Variants in KLHL21 observed in about 807,000 individuals in gnomAD.
KLHL21 encodes the protein kelch-like protein 21.
KLHL21 carries 42 observed loss-of-function variants against 44.1 expected under a neutral mutation model. That is an observed-to-expected ratio of 0.95 (90% CI 0.74 to 1.23). KLHL21 has a LOEUF of 1.23. KLHL21 is among the 50% of genes most tolerant of loss of function. The probability of loss-of-function intolerance (pLI) is 0.00; values close to 1 mark genes in which losing one functional copy is unlikely to be tolerated. For synonymous variants in KLHL21, 524 were observed against 411.6 expected (o/e 1.27, Z -3.31); for missense variants, 918 against 889.1 (o/e 1.03, Z -0.41).
At position 6,601,885 on chromosome 1, in the gene KLHL21, C is replaced by G. The variant is rs1364041243; in HGVS notation, c.933G>C (p.Thr311=). 1.3e-6 allele frequency: 2 copies of G among 1,570,660 alleles called. No individual in the cohort carries two copies. The highest frequency in any genetic ancestry group is 2.3e-5 in the South Asian group (2 of 85,624). Residue 311 remains threonine (T), a synonymous_variant, in exon 1 of 4, where the codon ACG becomes ACC. Coordinates refer to ENST00000377658, the MANE Select transcript of KLHL21 (RefSeq NM_014851.4). The stretch of plus-strand genomic sequence containing the variant: ...ACTCGGCCAGGTAGCGCCACTGACC[C>G]GTCTGCGGGTTGTAGCAGTCGACAG... ...LVTVDCYNPQ[T]GQWRYLAEFP...
intron 3 of KLHL21, chr1:6,594,280 C>T (rs1168383223): frequency 6.2e-6 from 1 of 162,338 alleles, no homozygotes; most frequent in East Asian, 1.9e-4. Flanking sequence ...GCTCACATGG[C>T]CAAATGGCAC....
chr1:6,593,562 A>G lies in KLHL21; in HGVS notation c.1597T>C (p.Tyr533His). The stretch of plus-strand genomic sequence containing the variant: ...CTCCACGCGCGAGTCTCTGGGTCAT[A>G]GGCCTCTACCACGTCCGAGAGTTCA... Reference protein sequence around the residue: ...TFELSDVVEAYDPETRAWSVV... With the variant: ...TFELSDVVEAHDPETRAWSVV... The change falls in exon 4 of 4, where the codon TAT (tyrosine) becomes CAT (histidine). Residue 533 changes from tyrosine (Y) to histidine (H), a missense_variant. Physicochemically the swap from Tyr to His is moderately conservative, Grantham distance 83 (BLOSUM62 2). Transcript: ENST00000377658. The G allele has an allele frequency of 1.2e-6, 2 of 1,613,988 alleles. No homozygotes were observed. The highest frequency in any genetic ancestry group is 1.7e-6 in the Non-Finnish European group (2 of 1,179,980).
chr1:6,599,882 G>C (rs1640990289), intron 1 of KLHL21: 1 of 174,702 alleles, frequency 5.7e-6, no homozygotes, highest in Non-Finnish European at 1.2e-5. Context: ...GGTTCTGCCA[G>C]GACAAGATGA....
intron 2 of KLHL21, among the ~76,000 whole-genome samples, chr1:6,598,742 G>A (rs1481563638): frequency 6.6e-6 from 1 of 152,108 alleles, no homozygotes; most frequent in African/African-American, 2.4e-5. Flanking sequence ...AATTAGCCAG[G>A]CATGGTGGTG....
chr1:6,602,836 T>A lies in KLHL21; in HGVS notation c.-19A>T, dbSNP rs1400022941. Reference sequence around the variant, plus strand: ...GCTCCATGGCGCCTTCGATAGGTTGTCGAGGACGCCGCGGCCGGGGCCTGC... The same window carrying A: ...GCTCCATGGCGCCTTCGATAGGTTGACGAGGACGCCGCGGCCGGGGCCTGC... On this transcript the variant is annotated 5_prime_UTR_variant, in exon 1 of 4. Transcript: ENST00000377658. 7.1e-7 allele frequency: 1 copy of A among 1,404,572 alleles called. No homozygotes were observed. Among genetic ancestry groups the A allele is most frequent in the East Asian group, 3.0e-5 (1 of 33,174 alleles). The allele number at this position is 1,404,572 out of a possible 1,614,324, so 87.0% of individuals were successfully genotyped here. A position where few individuals can be genotyped will look rare whatever the true frequency, so the allele number is the denominator to read the frequency against.
rs1052509083 is a variant in KLHL21 at position 6,599,229 on chromosome 1, G to A, written c.1245C>T (p.Cys415=). The A allele has an allele frequency of 1.2e-6, 2 of 1,614,142 alleles. No homozygotes were observed. The highest frequency in any genetic ancestry group is 8.5e-7 in the Non-Finnish European group (1 of 1,180,042). Residue 415 remains cysteine (C), a synonymous_variant, in exon 2 of 4, where the codon TGC becomes TGT. Transcript: ENST00000377658. ...LQPMTYPMDN[C]STTACRGRLY... ...GCCGGCCACGGCACGCAGTGGTGGA[G>A]CAGTTGTCCATGGGGTAGGTCATGG...
rs1345939827 is a variant in KLHL21 at position 6,602,176 on chromosome 1, G to A, written c.642C>T (p.Ala214=). 1.4e-6 allele frequency: 2 copies of A among 1,429,922 alleles called. No individual in the cohort carries two copies. Among genetic ancestry groups the A allele is most frequent in the South Asian group, 2.9e-5 (2 of 68,904 alleles). 88.6% of individuals were successfully genotyped at this position (1,429,922 alleles called of 1,614,324 possible). Residue 214 remains alanine (A), a synonymous_variant, in exon 1 of 4, where the codon GCC becomes GCT. Transcript: ENST00000377658. ...RWVRADPPRR[A]AHWPQLLEAV... ...CCTCCAGCAGCTGCGGCCAGTGCGC[G>A]GCGCGGCGCGGCGGGTCAGCGCGGA...
chr1:6,597,389 G>A (rs912264315), intron 2 of KLHL21, among the ~76,000 whole-genome samples: 1 of 152,178 alleles, frequency 6.6e-6, no homozygotes, highest in Admixed American at 6.5e-5. Context: ...CGAAAGGAAG[G>A]TTCTGGCCCT....
intron 3 of KLHL21, chr1:6,594,963 G>A (rs1484654403): frequency 5.5e-6 from 1 of 180,512 alleles, no homozygotes; most frequent in South Asian, 1.5e-4. Flanking sequence ...AGGAAGGTGC[G>A]GTGGGAGGAC....
chr1:6,600,486 C>T (rs769262755), intron 1 of KLHL21, among the ~76,000 whole-genome samples: 4 of 152,246 alleles, frequency 2.6e-5, no homozygotes, highest in Non-Finnish European at 5.9e-5. Flanking sequence ...CCCAGGCTGG[C>T]GCCACAGGAC....
rs1318992343 is a variant in KLHL21, at chr1:6,592,047, C to T, written c.*1318G>A. 5.9e-5 allele frequency: 9 copies of T among 152,316 alleles called. No individual in the cohort carries two copies. The highest frequency in any genetic ancestry group is 5.9e-4 in the Admixed American group (9 of 15,280). The allele number at this position is 152,316 out of a possible 1,614,324, so 9.4% of individuals were successfully genotyped here. On this transcript the variant is annotated 3_prime_UTR_variant, in exon 4 of 4. Coordinates refer to ENST00000377658, the MANE Select transcript of KLHL21 (RefSeq NM_014851.4). ...TGACATCCACAGTGTATGGACTGGG[C>T]TCTTGAGGAGCACGAGGGAGAGGCC...
chr1:6,599,527 C>G, intron 1 of KLHL21, 75 bp from the exon 2 acceptor site: 4 of 1,445,588 alleles, frequency 2.8e-6, no homozygotes, highest in Non-Finnish European at 2.8e-6. Flanking sequence ...CGAACTTCCG[C>G]AAGGGCCTCT....
Position 6,593,932 on chromosome 1 carries a change from T to C in KLHL21, c.1501-274A>G, listed in dbSNP as rs151037582. 59 of 1,240,810 alleles carry C rather than the reference T, an allele frequency of 4.8e-5. No homozygotes were observed. The African/African-American group carries it at 8.3e-4, about 17-fold the overall frequency. 76.9% of individuals were successfully genotyped at this position (1,240,810 alleles called of 1,614,324 possible). ...GCAGGTCGTGCCGAGCAGCGCTTCC[T>C]ACGTTCTCTCTCAGAATCTCTGCAG... is the stretch of plus-strand genomic sequence containing the variant. On this transcript the variant is annotated intron_variant, in intron 3 of 3. Transcript: ENST00000377658.
chr1:6,602,716 G>C lies in KLHL21; in HGVS notation c.102C>G (p.Phe34Leu). ...GLSQLRAERKFLDVTLEAAGG... is the reference protein window; with the variant it reads ...GLSQLRAERKLLDVTLEAAGG... ...CCGCCGCCTCCAGGGTCACGTCCAGGAACTTGCGCTCGGCGCGCAGCTGGC... is the reference window on the plus strand; with the variant it reads ...CCGCCGCCTCCAGGGTCACGTCCAGCAACTTGCGCTCGGCGCGCAGCTGGC... The change falls in exon 1 of 4, where the codon TTC (phenylalanine) becomes TTG (leucine). Residue 34 changes from phenylalanine (F) to leucine (L), a missense_variant. By Grantham distance (22) the Phe-to-Leu change is conservative. Coordinates refer to ENST00000377658, the MANE Select transcript of KLHL21 (RefSeq NM_014851.4). The C allele has an allele frequency of 6.6e-7, 1 of 1,513,332 alleles. No individual in the cohort carries two copies. The highest frequency in any genetic ancestry group is 2.6e-5 in the East Asian group (1 of 37,848). 93.7% of individuals were successfully genotyped at this position (1,513,332 alleles called of 1,614,324 possible). A position where few individuals can be genotyped will look rare whatever the true frequency, so the allele number is the denominator to read the frequency against.
chr1:6,600,573 G>A (rs1641002129), intron 1 of KLHL21, among the ~76,000 whole-genome samples: 1 of 152,220 alleles, frequency 6.6e-6, no homozygotes, highest in African/African-American at 2.4e-5. Flanking sequence ...TAGGAAGTGA[G>A]CTCTGCCGGC....
intron 1 of KLHL21, among the ~76,000 whole-genome samples, chr1:6,601,548 G>T (rs1641017924): frequency 6.6e-6 from 1 of 152,236 alleles, no homozygotes; most frequent in South Asian, 2.1e-4. Flanking sequence ...CACGGAGTTG[G>T]CTCAGCCTGG....
chr1:6,601,260 C>T (rs893980553), intron 1 of KLHL21, among the ~76,000 whole-genome samples: 1 of 152,206 alleles, frequency 6.6e-6, no homozygotes, highest in Admixed American at 6.5e-5. Flanking sequence ...ACCATGTTTA[C>T]AGGCTCCGGG....
chr1:6,594,471 G>C (rs1386227368), intron 3 of KLHL21: 2 of 152,424 alleles, frequency 1.3e-5, no homozygotes. Flanking sequence ...GGGAGGCTGA[G>C]CCAGGCAGAT....
In KLHL21 at chr1:6,602,556, G is replaced by C; in HGVS notation, c.262C>G (p.Gln88Glu). ...GTGTAGCTGAAGTCCAGCAGCAGCT[G>C]CAGCATGTCGGGAGGCACTCCGTGC... ...RLHGVPPDML[Q>E]LLLDFSYTGR... The change falls in exon 1 of 4, where the codon CAG (glutamine) becomes GAG (glutamate). Residue 88 changes from glutamine (Q) to glutamate (E), a missense_variant. Coordinates refer to ENST00000377658, the MANE Select transcript of KLHL21 (RefSeq NM_014851.4). 1 of 1,536,622 alleles carries C rather than the reference G, an allele frequency of 6.5e-7. No individual in the cohort carries two copies. Among genetic ancestry groups the C allele is most frequent in the African/African-American group, 1.4e-5 (1 of 73,010 alleles).
Sources: allele counts gnomAD v4.1 joint callset (sites outside exome capture counted in the v4.1 genomes callset), GRCh38; gene constraint gnomAD v4.1.1; transcripts MANE v1.5; gene names NCBI Gene and HGNC (gene_info 2026-07-23, HGNC 2026-07-21).